The following HAUS2 variants were observed in gnomAD, a reference collection of about 807,000 sequenced individuals.
HAUS2 encodes HAUS augmin like complex subunit 2.
A neutral mutation model predicts 21.6 loss-of-function variants in HAUS2; 20 were observed. The ratio of observed to expected loss-of-function variants is 0.93; its 90% CI spans 0.65 to 1.35. The LOEUF is 1.35. Among genes scored for constraint, HAUS2 ranks in the 40% most tolerant of loss-of-function variants. The pLI, the probability that HAUS2 is intolerant of heterozygous loss-of-function variation, is 0.00. For missense variants in HAUS2, 297 were observed against 280.7 expected (o/e 1.06, Z -0.42); for synonymous variants, 113 against 95.6 (o/e 1.18, Z -1.06).
At position 42,568,529 on chromosome 15, in the gene HAUS2, A is replaced by G. The variant is rs1382936831; in HGVS notation, c.*1713A>G. 6.6e-6 allele frequency: 1 copy of G among 152,162 alleles called. No individual in the cohort carries two copies. The highest frequency in any genetic ancestry group is 1.9e-4 in the East Asian group (1 of 5,192). 9.4% of individuals were successfully genotyped at this position (152,162 alleles called of 1,614,324 possible). On this transcript the variant is annotated 3_prime_UTR_variant, in exon 6 of 6. Coordinates refer to ENST00000260372, the MANE Select transcript of HAUS2 (RefSeq NM_018097.3). ...TTTTACAATGTCAATTAAATTTCCA[A>G]CACTTGAACTTTGGGGGACATATTT...
intron 1 of HAUS2, among the ~76,000 whole-genome samples, chr15:42,557,586 T>G (rs2057801144): frequency 6.7e-6 from 1 of 148,984 alleles, no homozygotes; most frequent in African/African-American, 2.5e-5. Context: ...ATGGATGAAG[T>G]CTAGGAATGC....
At chr15:42,566,285 T>A (rs1273446741) in intron 5 of HAUS2, among the ~76,000 whole-genome samples, 1 of 152,184 alleles carries the variant, frequency 6.6e-6, no homozygotes, top group Non-Finnish European at 1.5e-5. Context: ...TGAACTGTAG[T>A]TAGACTGAGT....
chr15:42,564,435 G>T (rs936862875), intron 5 of HAUS2, among the ~76,000 whole-genome samples: 14 of 152,048 alleles, frequency 9.2e-5, no homozygotes, highest in Non-Finnish European at 1.3e-4. Flanking sequence ...TACATGTATT[G>T]TGAAAGATAG....
At chr15:42,549,461 A>G (rs1170758694) in intron 1 of HAUS2, among the ~76,000 whole-genome samples, 2 of 151,638 alleles carry the variant, frequency 1.3e-5, no homozygotes, top group Admixed American at 6.6e-5. Flanking sequence ...TTATTTATTT[A>G]TATGAGACAG....
Position 42,563,773 on chromosome 15 carries a change from G to A in HAUS2, c.414G>A (p.Leu138=), listed in dbSNP as rs1286255846. 6.4e-7 allele frequency: 1 copy of A among 1,563,336 alleles called. No individual in the cohort carries two copies. Among genetic ancestry groups the A allele is most frequent in the South Asian group, 1.1e-5 (1 of 88,076 alleles). Residue 138 remains leucine, a synonymous_variant, in exon 5 of 6, where the codon TTG becomes TTA. Transcript: ENST00000260372. ...GATATATGGTACATTTGCTGGAGTTGGCTGTGACTTTCATTGAGAGATTAG... is the reference window on the plus strand; with the variant it reads ...GATATATGGTACATTTGCTGGAGTTAGCTGTGACTTTCATTGAGAGATTAG... The part of the protein sequence containing the change: ...YHRYMVHLLE[L]AVTFIERLET...
At chr15:42,561,431 T>C (rs756531975) in intron 4 of HAUS2, 29 bp downstream of exon 4, 4 of 1,501,586 alleles carry the variant, frequency 2.7e-6, no homozygotes, top group Non-Finnish European at 1.8e-6. Context: ...AATTAACAGT[T>C]ACACCTGTTT....
Position 42,550,479 on chromosome 15 carries a change from C to G in HAUS2, c.93+1514C>G, listed in dbSNP as rs538458536. Among the ~76,000 whole-genome samples, 261 of 152,260 alleles carry G rather than the reference C, an allele frequency of 1.7e-3. 1 individual carries two copies. The highest frequency in any genetic ancestry group is 3.2e-3 in the Non-Finnish European group (220 of 68,026). ...GGAGAATTAGATCTTAGTACTCTCC[C>G]TTTTGACACATTGTATCCCCTCTCA... is the stretch of plus-strand genomic sequence containing the variant. On this transcript the variant is annotated intron_variant, in intron 1 of 5. Transcript: ENST00000260372.
chr15:42,564,833 T>TATTC (rs1270455419), intron 5 of HAUS2, among the ~76,000 whole-genome samples: 1 of 152,124 alleles, frequency 6.6e-6, no homozygotes, highest in African/African-American at 2.4e-5. Flanking sequence ...GCTGAATCTT[T>TATTC]ATTTATTTAT....
intron 3 of HAUS2, chr15:42,560,860 T>C (rs891227245): frequency 2.8e-6 from 2 of 702,014 alleles, no homozygotes; most frequent in African/African-American, 1.7e-5. Flanking sequence ...CCCAAAACAC[T>C]GCGATTACAG....
chr15:42,565,839 C>T (rs2057899992), intron 5 of HAUS2, among the ~76,000 whole-genome samples: 1 of 152,054 alleles, frequency 6.6e-6, no homozygotes, highest in Non-Finnish European at 1.5e-5. Context: ...GGACAAGGGA[C>T]ACATCAAAAA....
At chr15:42,549,627 G>A (rs982502312) in intron 1 of HAUS2, among the ~76,000 whole-genome samples, 1 of 150,860 alleles carries the variant, frequency 6.6e-6, no homozygotes, top group Admixed American at 6.6e-5. Context: ...TTTTTTGTAT[G>A]TTTAGTAGAG....
Position 42,566,858 on chromosome 15 carries a change from A to G in HAUS2, c.*42A>G. ...TGCTTAATTATGTGTAGTCATATGA[A>G]GTCTATTTCTAGTTGACTGTAACAT... On this transcript the variant is annotated 3_prime_UTR_variant, in exon 6 of 6. Transcript: ENST00000260372. 1.1e-6 allele frequency: 1 copy of G among 936,874 alleles called. No homozygotes were observed. The highest frequency in any genetic ancestry group is 1.7e-6 in the Non-Finnish European group (1 of 574,336). 58.0% of individuals were successfully genotyped at this position (936,874 alleles called of 1,614,324 possible). A position where few individuals can be genotyped will look rare whatever the true frequency, so the allele number is the denominator to read the frequency against.
chr15:42,566,519 A>T, intron 5 of HAUS2, 88 bp from the exon 6 acceptor site: 1 of 754,598 alleles, frequency 1.3e-6, no homozygotes, highest in Non-Finnish European at 2.3e-6. Context: ...GAAAAAGATC[A>T]TGTGTTAACC....
In HAUS2 at chr15:42,548,896, C is replaced by T. The variant is rs553300137; in HGVS notation, c.24C>T (p.Asp8=). Residue 8 remains aspartate (D), a synonymous_variant, in exon 1 of 6, where the codon GAC becomes GAT. Transcript: ENST00000260372. MAAANPW[D]PASAPNGAGL... The stretch of plus-strand genomic sequence containing the variant: ...CCATGGCCGCTGCCAACCCGTGGGA[C>T]CCGGCGTCCGCGCCTAACGGCGCTG... The T allele has an allele frequency of 5.0e-5, 78 of 1,550,622 alleles. No homozygotes were observed. The East Asian group carries it at 1.5e-3, about 30-fold the overall frequency.
chr15:42,550,763 G>T (rs796596450), intron 1 of HAUS2, among the ~76,000 whole-genome samples: 2 of 152,094 alleles, frequency 1.3e-5, no homozygotes, highest in African/African-American at 4.8e-5. Context: ...CCACCTCCTG[G>T]GTTCATGCCA....
chr15:42,553,479 C>T (rs970796310), intron 1 of HAUS2, among the ~76,000 whole-genome samples: 1 of 147,654 alleles, frequency 6.8e-6, no homozygotes, highest in South Asian at 2.2e-4. Context: ...ATACTTTTTT[C>T]TTTTTTTTTT....
chr15:42,557,517 A>AATATATAAATTGTATATAATG (rs1444348397), intron 1 of HAUS2, among the ~76,000 whole-genome samples: 2 of 117,934 alleles, frequency 1.7e-5, no homozygotes, highest in Non-Finnish European at 1.8e-5. Context: ...TATATATTAT[A>AATATATAAATTGTATATAATG]TATATATGAA....
intron 5 of HAUS2, among the ~76,000 whole-genome samples, chr15:42,564,159 G>A (rs892447944): frequency 1.3e-5 from 2 of 151,336 alleles, no homozygotes; most frequent in Non-Finnish European, 2.9e-5. Context: ...CCAGCTACCC[G>A]GGAGGCTGAG....
chr15:42,568,866 A>G lies in HAUS2; in HGVS notation c.*2050A>G, dbSNP rs1184150390. On this transcript the variant is annotated 3_prime_UTR_variant, in exon 6 of 6. Coordinates refer to ENST00000260372, the MANE Select transcript of HAUS2 (RefSeq NM_018097.3). The stretch of plus-strand genomic sequence containing the variant: ...GGTTTCCCCCAGACTTTGCCTCTGT[A>G]CCTTTTCTCTTTGCTGTTTTGCTTC... 3 of 152,154 alleles carry G rather than the reference A, an allele frequency of 2.0e-5. No individual in the cohort carries two copies. The highest frequency in any genetic ancestry group is 2.0e-4 in the Admixed American group (3 of 15,266). The allele number at this position is 152,154 out of a possible 1,614,324, so 9.4% of individuals were successfully genotyped here.
Sources: gnomAD v4.1 joint callset for allele counts (sites outside exome capture counted in the v4.1 genomes callset) on GRCh38, gnomAD v4.1.1 for gene constraint, MANE v1.5 for transcripts, NCBI Gene and HGNC (gene_info 2026-07-23, HGNC 2026-07-21) for gene names.